Variants in CHRNB2 observed in about 807,000 individuals in gnomAD.
CHRNB2 encodes the protein cholinergic receptor nicotinic beta 2 subunit.
In CHRNB2, 33 loss-of-function variants were observed where a neutral mutation model predicts 42.7. The observed-to-expected ratio is 0.77, with a 90% CI of 0.59 to 1.03. The LOEUF (loss-of-function observed/expected upper bound fraction) is 1.03, where lower values mean the gene tolerates loss of function less well. Among genes scored for constraint, CHRNB2 ranks in the 50% least tolerant of loss-of-function variants. The pLI is 0.00. For synonymous variants in CHRNB2, 325 were observed against 292.9 expected (o/e 1.11, Z -1.12); for missense variants, 603 against 700.9 (o/e 0.86, Z 1.58).
rs760253805 is a variant in CHRNB2 at position 154,575,875 on chromosome 1, G to C, written c.1452G>C (p.Gln484His). The C allele has an allele frequency of 5.0e-6, 8 of 1,614,120 alleles. No individual in the cohort carries two copies. In the South Asian group the frequency reaches 8.8e-5, roughly 18 times the overall value. ...TIGMFLQPLF[Q>H]NYTTTTFLHS... ...GCATGTTCCTGCAGCCTCTCTTCCA[G>C]AACTACACCACCACCACCTTCCTCC... Residue 484 changes from glutamine to histidine, a missense_variant, in exon 6 of 6, where the codon CAG becomes CAC. By Grantham distance (24) the Gln-to-His change is conservative. Around this residue, in one of 2 missense-constraint regions of CHRNB2, gnomAD observed 270 missense variants for 248.3 expected, o/e 1.09. Coordinates refer to ENST00000368476, the MANE Select transcript of CHRNB2 (RefSeq NM_000748.3).
chr1:154,569,859 A>C, intron 3 of CHRNB2, 23 bp downstream of exon 3: 1 of 1,613,384 alleles, frequency 6.2e-7, no homozygotes, highest in Non-Finnish European at 8.5e-7. Context: ...GCTCTCTTCC[A>C]CCCACACCCC....
chr1:154,572,273 G>C, intron 5 of CHRNB2, 112 bp downstream of exon 5: 1 of 1,507,702 alleles, frequency 6.6e-7, no homozygotes, highest in Non-Finnish European at 8.9e-7. Flanking sequence ...GAGTGTAGGG[G>C]AGGAAAATGT....
In CHRNB2 at chr1:154,576,080, C is replaced by T. The variant is rs1307759431; in HGVS notation, c.*148C>T. ...GCTTCATCTGGAGTCCCTCCTCCCC[C>T]ACGCCTCCATCCACACACAGCAGCT... On this transcript the variant is annotated 3_prime_UTR_variant, in exon 6 of 6. Coordinates refer to ENST00000368476, the MANE Select transcript of CHRNB2 (RefSeq NM_000748.3). 10 of 982,150 alleles carry T rather than the reference C, an allele frequency of 1.0e-5. No homozygotes were observed. The highest frequency in any genetic ancestry group is 1.4e-5 in the Non-Finnish European group (9 of 638,844). The allele number at this position is 982,150 out of a possible 1,614,324, so 60.8% of individuals were successfully genotyped here. A position where few individuals can be genotyped will look rare whatever the true frequency, so the allele number is the denominator to read the frequency against.
At position 154,575,830 on chromosome 1, in the gene CHRNB2, C is replaced by CT; in HGVS notation, c.1408dup (p.Cys470LeufsTer136). ...TCTTCCTCTGGATCTTTGTCTTTGT[C>CT]TGTGTCTTTGGCACCATCGGCATGT... is the stretch of plus-strand genomic sequence containing the variant. On this transcript the variant is annotated frameshift_variant, in exon 6 of 6. Coordinates refer to ENST00000368476, the MANE Select transcript of CHRNB2 (RefSeq NM_000748.3). LOFTEE classifies it high-confidence loss of function. 1 of 1,614,176 alleles carries CT rather than the reference C, an allele frequency of 6.2e-7. No individual in the cohort carries two copies. The highest frequency in any genetic ancestry group is 8.5e-7 in the Non-Finnish European group (1 of 1,180,038).
chr1:154,572,013 A>G lies in CHRNB2; in HGVS notation c.1190A>G (p.Gln397Arg), dbSNP rs200441832. The G allele has an allele frequency of 6.5e-7, 1 of 1,534,166 alleles. No individual in the cohort carries two copies. The highest frequency in any genetic ancestry group is 8.7e-7 in the Non-Finnish European group (1 of 1,145,038). Reference protein sequence around the residue: ...CTCFVNRASVQGLAGAFGAEP... With the variant: ...CTCFVNRASVRGLAGAFGAEP... ...TGCTTCGTCAACCGCGCGTCGGTGC[A>G]GGGGTTGGCCGGGGCCTTCGGGGCT... Residue 397 changes from glutamine (Q) to arginine (R), a missense_variant, in exon 5 of 6, where the codon CAG becomes CGG. By Grantham distance (43) the Gln-to-Arg change is conservative. Around this residue, in one of 2 missense-constraint regions of CHRNB2, gnomAD observed 270 missense variants for 248.3 expected, o/e 1.09. Transcript: ENST00000368476.
In CHRNB2 at chr1:154,571,170, T is replaced by G; in HGVS notation, c.366-19T>G. The G allele has an allele frequency of 6.2e-7, 1 of 1,614,160 alleles. No individual in the cohort carries two copies. Among genetic ancestry groups the G allele is most frequent in the Non-Finnish European group, 8.5e-7 (1 of 1,180,044 alleles). Reference sequence around the variant, plus strand: ...AAGGAACGCTTAGGCCAGGGCTGACTGTGCCCATCCTTTGGCAGTGCTGAC... The same window carrying G: ...AAGGAACGCTTAGGCCAGGGCTGACGGTGCCCATCCTTTGGCAGTGCTGAC... On this transcript the variant is annotated intron_variant, in intron 4 of 5. Coordinates refer to ENST00000368476, the MANE Select transcript of CHRNB2 (RefSeq NM_000748.3). This position sits in a 1 kb window ranked among gnomAD's most constrained non-coding sequence, Gnocchi z 6.8.
In CHRNB2 at chr1:154,571,309, C is replaced by T. The variant is rs1380218134; in HGVS notation, c.486C>T (p.Phe162=). The T allele has an allele frequency of 3.1e-6, 5 of 1,614,206 alleles. No individual in the cohort carries two copies. Among genetic ancestry groups the T allele is most frequent in the Admixed American group, 1.7e-5 (1 of 60,034 alleles). ...CATGCAAGATTGAAGTAAAGCACTT[C>T]CCATTTGACCAGCAGAACTGCACCA... The part of the protein sequence containing the change: ...KSACKIEVKH[F]PFDQQNCTMK... Residue 162 remains phenylalanine, a synonymous_variant, in exon 5 of 6, where the codon TTC becomes TTT. Transcript: ENST00000368476. This position sits in a 1 kb window ranked among gnomAD's most constrained non-coding sequence, Gnocchi z 6.8.
Position 154,578,493 on chromosome 1 carries a change from G to A in CHRNB2, c.*2561G>A, listed in dbSNP as rs1232593449. The A allele has an allele frequency of 6.6e-6, 1 of 152,246 alleles. No individual in the cohort carries two copies. Among genetic ancestry groups the A allele is most frequent in the Non-Finnish European group, 1.5e-5 (1 of 68,060 alleles). 9.4% of individuals were successfully genotyped at this position (152,246 alleles called of 1,614,324 possible). A position where few individuals can be genotyped will look rare whatever the true frequency, so the allele number is the denominator to read the frequency against. On this transcript the variant is annotated 3_prime_UTR_variant, in exon 6 of 6. Coordinates refer to ENST00000368476, the MANE Select transcript of CHRNB2 (RefSeq NM_000748.3). ...AGAGCTAGCCGAGGTCTTCAGCAAG[G>A]AAGAAAGGGGTCAGTGTATATGAAA...
rs758492974 is a variant in CHRNB2, at chr1:154,569,489, G to A, written c.92G>A (p.Arg31Gln). The A allele has an allele frequency of 5.0e-6, 8 of 1,613,736 alleles. No individual in the cohort carries two copies. Among genetic ancestry groups the A allele is most frequent in the South Asian group, 2.2e-5 (2 of 91,060 alleles). The change falls in exon 2 of 6, where the codon CGG (arginine) becomes CAG (glutamine). Residue 31 changes from arginine to glutamine, a missense_variant. By Grantham distance (43) the Arg-to-Gln change is conservative (BLOSUM62 1). Coordinates refer to ENST00000368476, the MANE Select transcript of CHRNB2 (RefSeq NM_000748.3). Reference sequence around the variant, plus strand: ...GTGTGGGGTACGGATACAGAGGAGCGGCTGGTGGAGCATCTCCTGGATCCT... The same window carrying A: ...GTGTGGGGTACGGATACAGAGGAGCAGCTGGTGGAGCATCTCCTGGATCCT... ...SGVWGTDTEE[R>Q]LVEHLLDPSR...
rs769654213 is a variant in CHRNB2 at position 154,568,065 on chromosome 1, C to T, written c.21C>T (p.Pro7=). The T allele has an allele frequency of 5.6e-6, 9 of 1,602,276 alleles. No homozygotes were observed. In the East Asian group the frequency reaches 6.8e-5, roughly 12 times the overall value. MARRCG[P]VALLLGFGLL... ...GCGGCATGGCCCGGCGCTGCGGCCC[C>T]GTGGCGCTGCTCCTTGGCTTCGGCC... Residue 7 remains proline, a synonymous_variant, in exon 1 of 6, where the codon CCC becomes CCT. Transcript: ENST00000368476.
Position 154,571,645 on chromosome 1 carries a change from G to A in CHRNB2, c.822G>A (p.Leu274=), listed in dbSNP as rs1249987980. ...TGACGTTGTGCATCTCAGTGCTGCT[G>A]GCGCTCACGGTCTTCCTGCTGCTCA... The part of the protein sequence containing the change: ...EKMTLCISVL[L]ALTVFLLLIS... The change falls in exon 5 of 6, where the codon CTG becomes CTA. Residue 274 remains leucine (L), a synonymous_variant. Coordinates refer to ENST00000368476, the MANE Select transcript of CHRNB2 (RefSeq NM_000748.3). The surrounding 1 kb of genome is among the most constrained non-coding windows in gnomAD (Gnocchi z 6.8). The A allele has an allele frequency of 2.1e-5, 34 of 1,614,192 alleles. No individual in the cohort carries two copies. The highest frequency in any genetic ancestry group is 2.9e-5 in the Non-Finnish European group (34 of 1,180,038).
rs1223623448 is a variant in CHRNB2, at chr1:154,577,021, C to G, written c.*1089C>G. ...TCCACAGCAGAGCTGAGGTGAACAGCTGGAACCCTGCTACATCCGTGCTGC... is the reference window on the plus strand; with the variant it reads ...TCCACAGCAGAGCTGAGGTGAACAGGTGGAACCCTGCTACATCCGTGCTGC... On this transcript the variant is annotated 3_prime_UTR_variant, in exon 6 of 6. Coordinates refer to ENST00000368476, the MANE Select transcript of CHRNB2 (RefSeq NM_000748.3). 6.6e-6 allele frequency: 1 copy of G among 152,284 alleles called. No homozygotes were observed. The highest frequency in any genetic ancestry group is 1.5e-5 in the Non-Finnish European group (1 of 68,070). 9.4% of individuals were successfully genotyped at this position (152,284 alleles called of 1,614,324 possible). A position where few individuals can be genotyped will look rare whatever the true frequency, so the allele number is the denominator to read the frequency against.
At chr1:154,573,027 G>A (rs1432493968) in intron 5 of CHRNB2, among the ~76,000 whole-genome samples, 1 of 152,190 alleles carries the variant, frequency 6.6e-6, no homozygotes, top group Non-Finnish European at 1.5e-5. Context: ...CATGGTGACT[G>A]GCCAGGTTTC....
intron 4 of CHRNB2, among the ~76,000 whole-genome samples, chr1:154,570,921 C>T (rs1376799557): frequency 6.6e-6 from 1 of 152,122 alleles, no homozygotes; most frequent in East Asian, 1.9e-4. Context: ...TGTCCCCTTC[C>T]TCCACCCACC....
rs746157258 is a variant in CHRNB2 at position 154,575,834 on chromosome 1, G to C, written c.1411G>C (p.Val471Leu). 2 of 1,614,138 alleles carry C rather than the reference G, an allele frequency of 1.2e-6. No individual in the cohort carries two copies. The highest frequency in any genetic ancestry group is 1.7e-5 in the Admixed American group (1 of 60,024). Residue 471 changes from valine (V) to leucine (L), a missense_variant, in exon 6 of 6, where the codon GTC (valine) becomes CTC (leucine). This residue lies in a region of CHRNB2 where 270 missense variants were observed against 248.3 expected (regional missense o/e 1.09). Transcript: ENST00000368476. ...CCTCTGGATCTTTGTCTTTGTCTGT[G>C]TCTTTGGCACCATCGGCATGTTCCT... ...LFLWIFVFVCVFGTIGMFLQP... is the reference protein window; with the variant it reads ...LFLWIFVFVCLFGTIGMFLQP...
intron 5 of CHRNB2, among the ~76,000 whole-genome samples, chr1:154,574,377 C>A (rs1696231452): frequency 6.6e-6 from 1 of 152,134 alleles, no homozygotes; most frequent in African/African-American, 2.4e-5. Context: ...TGTAGCATCA[C>A]CCCCCACCCT....
Position 154,571,360 on chromosome 1 carries a change from C to A in CHRNB2, c.537C>A (p.Asp179Glu). The A allele has an allele frequency of 6.2e-7, 1 of 1,614,234 alleles. No individual in the cohort carries two copies. Residue 179 changes from aspartate to glutamate, a missense_variant, in exon 5 of 6, where the codon GAC becomes GAA. Transcript: ENST00000368476. The surrounding 1 kb of genome is among the most constrained non-coding windows in gnomAD (Gnocchi z 6.8). Reference protein sequence around the residue: ...CTMKFRSWTYDRTEIDLVLKS... With the variant: ...CTMKFRSWTYERTEIDLVLKS... ...TGAAGTTCCGTTCGTGGACCTACGACCGCACAGAGATCGACTTGGTGCTGA... is the reference window on the plus strand; with the variant it reads ...TGAAGTTCCGTTCGTGGACCTACGAACGCACAGAGATCGACTTGGTGCTGA...
rs527768017 is a variant in CHRNB2, at chr1:154,572,001, G to C, written c.1178G>C (p.Arg393Pro). ...GADSCTCFVN[R>P]ASVQGLAGAF... ...GACTCCTGCACGTGCTTCGTCAACC[G>C]CGCGTCGGTGCAGGGGTTGGCCGGG... is the stretch of plus-strand genomic sequence containing the variant. The change falls in exon 5 of 6, where the codon CGC (arginine) becomes CCC (proline). Residue 393 changes from arginine (R) to proline (P), a missense_variant. By Grantham distance (103) the Arg-to-Pro change is moderately radical. Transcript: ENST00000368476. The C allele has an allele frequency of 6.5e-6, 10 of 1,535,144 alleles. No individual in the cohort carries two copies. The highest frequency in any genetic ancestry group is 2.4e-5 in the South Asian group (2 of 83,976).
At chr1:154,568,560 C>G (rs980165798) in intron 1 of CHRNB2, among the ~76,000 whole-genome samples, 1 of 152,166 alleles carries the variant, frequency 6.6e-6, no homozygotes, top group Non-Finnish European at 1.5e-5. Context: ...ATTCTCGTCA[C>G]CCCTCAGGGG....
Sources: allele counts gnomAD v4.1 joint callset (sites outside exome capture counted in the v4.1 genomes callset), GRCh38; gene constraint gnomAD v4.1.1; regional missense constraint gnomAD v4.1.1; non-coding constraint Gnocchi (gnomAD v3.1); transcripts MANE v1.5; gene names NCBI Gene and HGNC (gene_info 2026-07-23, HGNC 2026-07-21).